FBXO40: variants seen among roughly 807,000 people sequenced by gnomAD.
The protein encoded by FBXO40 is F-box protein 40, also known as F-box only protein 40.
In FBXO40, 50 loss-of-function variants were observed where a neutral mutation model predicts 49.9. The observed-to-expected ratio is 1.00, with a 90% CI of 0.80 to 1.27. FBXO40 has a LOEUF of 1.27. FBXO40 is among the 50% of genes most tolerant of loss of function. The pLI is 0.00. For synonymous variants in FBXO40, 340 were observed against 320.2 expected (o/e 1.06, Z -0.66); for missense variants, 895 against 870.1 (o/e 1.03, Z -0.36).
At position 121,627,535 on chromosome 3, in the gene FBXO40, G is replaced by A. The variant is rs776435273; in HGVS notation, c.*625G>A. 8.2e-6 allele frequency: 2 copies of A among 242,756 alleles called. No homozygotes were observed. Among genetic ancestry groups the A allele is most frequent in the Non-Finnish European group, 1.6e-5 (2 of 128,186 alleles). The allele number at this position is 242,756 out of a possible 1,614,324, so 15.0% of individuals were successfully genotyped here. The stretch of plus-strand genomic sequence containing the variant: ...GAAGACACCACAGGCCAAAACATGA[G>A]GGGCAGAAATGGGATCACAGAGTCT... On this transcript the variant is annotated 3_prime_UTR_variant, in exon 4 of 4. Transcript: ENST00000338040.
In FBXO40 at chr3:121,627,752, G is replaced by GCCCTGGGCCA; in HGVS notation, c.*848_*857dup. The stretch of plus-strand genomic sequence containing the variant: ...CTGAGTTAGGCAGAACATAGCCATG[G>GCCCTGGGCCA]CCCTGGGCCACCCTGTGCTATCTGA... On this transcript the variant is annotated 3_prime_UTR_variant, in exon 4 of 4. Transcript: ENST00000338040. 1 of 398,300 alleles carries GCCCTGGGCCA rather than the reference G, an allele frequency of 2.5e-6. No individual in the cohort carries two copies. The highest frequency in any genetic ancestry group is 4.4e-5 in the Admixed American group (1 of 22,734). 24.7% of individuals were successfully genotyped at this position (398,300 alleles called of 1,614,324 possible).
In FBXO40 at chr3:121,623,092, G is replaced by A. The variant is rs999929258; in HGVS notation, c.1663G>A (p.Glu555Lys). 6.2e-6 allele frequency: 10 copies of A among 1,614,096 alleles called. No individual in the cohort carries two copies. The highest frequency in any genetic ancestry group is 4.5e-5 in the East Asian group (2 of 44,904). ...GCCGGAGGTTGCTCCAGAGCTGAGCGAGGGAAGGAAGAACAACCATCTTTT... is the reference window on the plus strand; with the variant it reads ...GCCGGAGGTTGCTCCAGAGCTGAGCAAGGGAAGGAAGAACAACCATCTTTT... ...IKPEVAPELS[E>K]GRKNNHLLGH... Residue 555 changes from glutamate (E) to lysine (K), a missense_variant, in exon 3 of 4, where the codon GAG (glutamate) becomes AAG (lysine). Transcript: ENST00000338040.
At chr3:121,626,655 AC>A (rs1183017824) in intron 3 of FBXO40, 39 bp from the exon 4 acceptor site, 2 of 1,578,584 alleles carry the variant, frequency 1.3e-6, no homozygotes, top group South Asian at 2.2e-5. Context: ...AGAGGGTAAC[AC>A]CCCTATATTC....
At chr3:121,617,003 T>A (rs1351657896) in intron 1 of FBXO40, among the ~76,000 whole-genome samples, 1 of 152,048 alleles carries the variant, frequency 6.6e-6, no homozygotes, top group Admixed American at 6.6e-5. Flanking sequence ...TACCAGAGGC[T>A]GGGAAGGGTG....
intron 1 of FBXO40, among the ~76,000 whole-genome samples, chr3:121,615,997 C>G (rs1351544595): frequency 6.6e-6 from 1 of 152,158 alleles, no homozygotes; most frequent in Non-Finnish European, 1.5e-5. Flanking sequence ...GGCCCCACAG[C>G]CAGACACCCT....
In FBXO40 at chr3:121,621,586, G is replaced by A. The variant is rs2049030551; in HGVS notation, c.157G>A (p.Glu53Lys). 6.2e-7 allele frequency: 1 copy of A among 1,614,230 alleles called. No homozygotes were observed. The stretch of plus-strand genomic sequence containing the variant: ...CACCTTCCACATGTGCAAAGAGGCA[G>A]AGCACCAGCTCCTCTGCCCTTTAGA... ...GATFHMCKEAEHQLLCPLEQV... is the reference protein window; with the variant it reads ...GATFHMCKEAKHQLLCPLEQV... Residue 53 changes from glutamate (E) to lysine (K), a missense_variant, in exon 3 of 4, where the codon GAG (glutamate) becomes AAG (lysine). Glu to Lys is a moderately conservative substitution (Grantham distance 56). Transcript: ENST00000338040.
chr3:121,611,384 A>G (rs139758129), intron 1 of FBXO40, among the ~76,000 whole-genome samples: 2 of 152,206 alleles, frequency 1.3e-5, no homozygotes, highest in Non-Finnish European at 2.9e-5. Flanking sequence ...AATAGAATCT[A>G]TGTCATAATG....
In FBXO40 at chr3:121,628,515, T is replaced by C. The variant is rs2049075962; in HGVS notation, c.*1605T>C. The stretch of plus-strand genomic sequence containing the variant: ...ACTGTTCTGTGTACTACAGGATACT[T>C]GGCAGCATCCTTGGCCTATCCATTA... On this transcript the variant is annotated 3_prime_UTR_variant, in exon 4 of 4. Transcript: ENST00000338040. 6.6e-6 allele frequency: 1 copy of C among 152,186 alleles called. No homozygotes were observed. The allele number at this position is 152,186 out of a possible 1,614,324, so 9.4% of individuals were successfully genotyped here. A position where few individuals can be genotyped will look rare whatever the true frequency, so the allele number is the denominator to read the frequency against.
At chr3:121,616,162 T>C (rs1338978310) in intron 1 of FBXO40, among the ~76,000 whole-genome samples, 2 of 152,206 alleles carry the variant, frequency 1.3e-5, no homozygotes, top group Non-Finnish European at 2.9e-5. Context: ...TGACCCTGTT[T>C]GATGCTTCTG....
At chr3:121,611,596 C>T (rs891043920) in intron 1 of FBXO40, among the ~76,000 whole-genome samples, 2 of 152,178 alleles carry the variant, frequency 1.3e-5, no homozygotes, top group Admixed American at 1.3e-4. Context: ...ATTCAGTTCC[C>T]AGGGGCAGGC....
Position 121,626,939 on chromosome 3 carries a change from C to T in FBXO40, c.*29C>T. On this transcript the variant is annotated 3_prime_UTR_variant, in exon 4 of 4. Coordinates refer to ENST00000338040, the MANE Select transcript of FBXO40 (RefSeq NM_016298.4). ...TTCAGATGCCACTCGATGCACCCTT[C>T]TTGGATTTCTTCTCGGAGTTCCTGA... 1.2e-6 allele frequency: 2 copies of T among 1,604,340 alleles called. No homozygotes were observed. The highest frequency in any genetic ancestry group is 8.5e-7 in the Non-Finnish European group (1 of 1,171,614).
chr3:121,616,958 A>T (rs1470314943), intron 1 of FBXO40, among the ~76,000 whole-genome samples: 1 of 152,202 alleles, frequency 6.6e-6, no homozygotes, highest in Non-Finnish European at 1.5e-5. Flanking sequence ...GAACTAAAAA[A>T]GTTGATCACA....
intron 1 of FBXO40, among the ~76,000 whole-genome samples, chr3:121,613,601 A>AT (rs1008547035): frequency 3.3e-5 from 5 of 152,200 alleles, no homozygotes; most frequent in Non-Finnish European, 5.9e-5. Context: ...TCTGGGGCTA[A>AT]TTTTTTGCAA....
chr3:121,621,473 G>C lies in FBXO40; in HGVS notation c.44G>C (p.Cys15Ser). 1 of 1,614,180 alleles carries C rather than the reference G, an allele frequency of 6.2e-7. No homozygotes were observed. ...RRSPPGHHRHCEGCFNRHCHI... is the reference protein window; with the variant it reads ...RRSPPGHHRHSEGCFNRHCHI... The stretch of plus-strand genomic sequence containing the variant: ...TCCCCGCCAGGGCACCACAGGCATT[G>C]TGAGGGATGCTTCAACCGCCACTGC... Residue 15 changes from cysteine to serine, a missense_variant, in exon 3 of 4, where the codon TGT (cysteine) becomes TCT (serine). Physicochemically the swap from Cys to Ser is moderately radical, Grantham distance 112. Coordinates refer to ENST00000338040, the MANE Select transcript of FBXO40 (RefSeq NM_016298.4).
intron 1 of FBXO40, among the ~76,000 whole-genome samples, chr3:121,602,347 A>G (rs142349358): frequency 6.6e-6 from 1 of 152,280 alleles, no homozygotes; most frequent in Non-Finnish European, 1.5e-5. Context: ...CATGAGATCT[A>G]TCATCCTCTC....
intron 3 of FBXO40, among the ~76,000 whole-genome samples, chr3:121,624,134 A>T (rs2049049765): frequency 7.0e-6 from 1 of 142,818 alleles, no homozygotes; most frequent in African/African-American, 2.6e-5. Context: ...GGGATTACAG[A>T]CATGCACCAA....
At position 121,622,102 on chromosome 3, in the gene FBXO40, G is replaced by A. The variant is rs1560132531; in HGVS notation, c.673G>A (p.Glu225Lys). Residue 225 changes from glutamate (E) to lysine (K), a missense_variant, in exon 3 of 4, where the codon GAG (glutamate) becomes AAG (lysine). Transcript: ENST00000338040. ...FGQWENIFSK[E>K]HAASALTNSS... is the part of the protein sequence containing the mutation. ...CCAGTGGGAAAATATTTTCAGCAAA[G>A]AGCACGCAGCCTCTGCTTTAACAAA... 2 of 1,614,208 alleles carry A rather than the reference G, an allele frequency of 1.2e-6. No individual in the cohort carries two copies. Among genetic ancestry groups the A allele is most frequent in the Non-Finnish European group, 1.7e-6 (2 of 1,180,040 alleles).
At chr3:121,612,951 T>C (rs1355465958) in intron 1 of FBXO40, among the ~76,000 whole-genome samples, 4 of 151,272 alleles carry the variant, frequency 2.6e-5, no homozygotes, top group Non-Finnish European at 4.4e-5. Flanking sequence ...GTGCCTGCAG[T>C]CCCAGCTACT....
chr3:121,599,370 AG>A (rs2048889135), intron 1 of FBXO40, among the ~76,000 whole-genome samples: 1 of 150,702 alleles, frequency 6.6e-6, no homozygotes. Flanking sequence ...CAGGAGGCTG[AG>A]GAAGGAGAGT....
Sources: gnomAD v4.1 joint callset for allele counts (sites outside exome capture counted in the v4.1 genomes callset) on GRCh38, gnomAD v4.1.1 for gene constraint, MANE v1.5 for transcripts, NCBI Gene and HGNC (gene_info 2026-07-23, HGNC 2026-07-21) for gene names.